HS3ST3A1: variants seen among roughly 807,000 people sequenced by gnomAD.
HS3ST3A1 encodes the protein heparan sulfate-glucosamine 3-sulfotransferase 3A1.
A neutral mutation model predicts 25.7 loss-of-function variants in HS3ST3A1; 19 were observed. The observed-to-expected ratio is 0.74, with a 90% CI of 0.52 to 1.08. The LOEUF (loss-of-function observed/expected upper bound fraction) is 1.08. Ranked by LOEUF, HS3ST3A1 falls within the 50% of genes least tolerant of loss-of-function variation. HS3ST3A1 has a pLI of 0.00. For missense variants in HS3ST3A1, 459 were observed against 594.3 expected (o/e 0.77, Z 2.37); for synonymous variants, 226 against 278.6 (o/e 0.81, Z 1.88).
At chr17:13,597,005 CA>C (rs1908595404) in intron 1 of HS3ST3A1, among the ~76,000 whole-genome samples, 2 of 152,094 alleles carry the variant, frequency 1.3e-5, no homozygotes, top group African/African-American at 4.8e-5. Context: ...GTGAGCTGGA[CA>C]ATCTTTGATC....
rs544630220 is a variant in HS3ST3A1, at chr17:13,543,576, G to A, written c.600-46758C>T. 654 of 167,988 alleles carry A rather than the reference G, an allele frequency of 3.9e-3. 4 individuals carry two copies. Among genetic ancestry groups the A allele is most frequent in the Middle Eastern group, 0.022 (22 of 996 alleles). The allele number at this position is 167,988 out of a possible 1,614,324, so 10.4% of individuals were successfully genotyped here. A position where few individuals can be genotyped will look rare whatever the true frequency, so the allele number is the denominator to read the frequency against. On this transcript the variant is annotated intron_variant, in intron 1 of 1. Transcript: ENST00000284110. ...TTAGGTTGGTGCAAAAGTAATTGCA[G>A]TTTTTGCTATTACTTTCAATGACAA...
chr17:13,601,099 A>G lies in HS3ST3A1; in HGVS notation c.31T>C (p.Ser11Pro). MAPPGPASALSTSAEPLSRSI... is the reference protein window; with the variant it reads MAPPGPASALPTSAEPLSRSI... ...CGGGACAGCGGCTCGGCCGAGGTGGAGAGGGCACTGGCCGGGCCCGGAGGG... is the reference window on the plus strand; with the variant it reads ...CGGGACAGCGGCTCGGCCGAGGTGGGGAGGGCACTGGCCGGGCCCGGAGGG... The change falls in exon 1 of 2, where the codon TCC (serine) becomes CCC (proline). Residue 11 changes from serine (S) to proline (P), a missense_variant. Coordinates refer to ENST00000284110, the MANE Select transcript of HS3ST3A1 (RefSeq NM_006042.3). 6.3e-7 allele frequency: 1 copy of G among 1,588,936 alleles called. No individual in the cohort carries two copies. The highest frequency in any genetic ancestry group is 8.6e-7 in the Non-Finnish European group (1 of 1,169,212).
At chr17:13,555,172 C>A (rs1335042980) in intron 1 of HS3ST3A1, among the ~76,000 whole-genome samples, 2 of 152,146 alleles carry the variant, frequency 1.3e-5, no homozygotes, top group Non-Finnish European at 2.9e-5. Context: ...AGATTACACC[C>A]TTATGCCTCC....
chr17:13,553,431 A>G (rs1907293464), intron 1 of HS3ST3A1, among the ~76,000 whole-genome samples: 1 of 152,218 alleles, frequency 6.6e-6, no homozygotes. Context: ...TTTAAATAAC[A>G]GCATCATTAC....
chr17:13,577,484 C>T (rs1907974681), intron 1 of HS3ST3A1, among the ~76,000 whole-genome samples: 1 of 152,192 alleles, frequency 6.6e-6, no homozygotes, highest in African/African-American at 2.4e-5. Context: ...GTACAGCTAA[C>T]TTCTCCCTCC....
chr17:13,512,727 T>C (rs1386639783), intron 1 of HS3ST3A1, among the ~76,000 whole-genome samples: 1 of 152,196 alleles, frequency 6.6e-6, no homozygotes, highest in African/African-American at 2.4e-5. Context: ...ATCTTGATTG[T>C]AGCATAATTA....
intron 1 of HS3ST3A1, among the ~76,000 whole-genome samples, chr17:13,526,775 G>A (rs1388882487): frequency 1.3e-5 from 2 of 151,820 alleles, no homozygotes; most frequent in East Asian, 3.9e-4. Flanking sequence ...AGCCTCCCGA[G>A]TAGCTGGGAT....
chr17:13,565,662 A>G (rs1907658805), intron 1 of HS3ST3A1, among the ~76,000 whole-genome samples: 1 of 152,240 alleles, frequency 6.6e-6, no homozygotes, highest in Non-Finnish European at 1.5e-5. Flanking sequence ...ACTTTTATTA[A>G]TTTTATAGTC....
intron 1 of HS3ST3A1, among the ~76,000 whole-genome samples, chr17:13,541,318 C>CT (rs777164056): frequency 3.9e-5 from 6 of 152,196 alleles, no homozygotes; most frequent in Admixed American, 2.0e-4. Context: ...AGTAATCTTA[C>CT]TTTGGACTCT....
At chr17:13,542,427 G>A (rs543795550) in intron 1 of HS3ST3A1, among the ~76,000 whole-genome samples, 2 of 152,030 alleles carry the variant, frequency 1.3e-5, no homozygotes, top group African/African-American at 4.8e-5. Context: ...GATACCAGGA[G>A]TATGTCTGCA....
intron 1 of HS3ST3A1, among the ~76,000 whole-genome samples, chr17:13,532,385 T>A (rs1216985293): frequency 6.6e-6 from 1 of 152,052 alleles, no homozygotes; most frequent in Admixed American, 6.6e-5. Flanking sequence ...AATGCTGAGT[T>A]CAAATTAGGA....
At chr17:13,536,579 C>T (rs1906777440) in intron 1 of HS3ST3A1, among the ~76,000 whole-genome samples, 1 of 152,174 alleles carries the variant, frequency 6.6e-6, no homozygotes, top group Non-Finnish European at 1.5e-5. Flanking sequence ...CCAACCTCAC[C>T]ATTAATGTTG....
intron 1 of HS3ST3A1, among the ~76,000 whole-genome samples, chr17:13,537,113 C>G (rs3785709): frequency 0.44 from 67,503 of 152,072 alleles, 16,650 homozygotes; most frequent in African/African-American, 0.67. Flanking sequence ...GCCTAGGGCA[C>G]GTCGTGAGCC....
chr17:13,552,461 A>G (rs889530758), intron 1 of HS3ST3A1, among the ~76,000 whole-genome samples: 8 of 152,128 alleles, frequency 5.3e-5, no homozygotes, highest in African/African-American at 1.9e-4. Context: ...GCAAAATACG[A>G]TTCCAGTGTT....
chr17:13,547,944 CAAAAA>C (rs750200323), intron 1 of HS3ST3A1, among the ~76,000 whole-genome samples: 1 of 53,384 alleles, frequency 1.9e-5, no homozygotes. Context: ...TGGTGTGAGC[CAAAAA>C]AAAAAAAAAA....
intron 1 of HS3ST3A1, among the ~76,000 whole-genome samples, chr17:13,580,716 A>G (rs111596212): frequency 0.029 from 4,334 of 151,946 alleles, 195 homozygotes; most frequent in African/African-American, 0.097. Flanking sequence ...ACATGGAGAA[A>G]CTCCATCTCT....
rs146969537 is a variant in HS3ST3A1, at chr17:13,571,957, G to A, written c.599+28574C>T. On this transcript the variant is annotated intron_variant, in intron 1 of 1. Transcript: ENST00000284110. ...GTATTTTTAGTACAGACGGGGTTTC[G>A]CCACACTAGCCAGTTGGTCTCGAAC... Among the ~76,000 whole-genome samples, 608 of 152,040 alleles carry A rather than the reference G, an allele frequency of 4.0e-3. 4 individuals carry two copies. Among genetic ancestry groups the A allele is most frequent in the African/African-American group, 0.014 (580 of 41,454 alleles).
At chr17:13,535,492 A>G (rs1298045007) in intron 1 of HS3ST3A1, among the ~76,000 whole-genome samples, 4 of 152,212 alleles carry the variant, frequency 2.6e-5, no homozygotes, top group Non-Finnish European at 5.9e-5. Context: ...CTCAGCTGCA[A>G]ACCTCAAGCA....
intron 1 of HS3ST3A1, among the ~76,000 whole-genome samples, chr17:13,523,944 A>G (rs1906330044): frequency 6.6e-6 from 1 of 152,150 alleles, no homozygotes; most frequent in African/African-American, 2.4e-5. Context: ...TAATATTAAA[A>G]TACATAAAAA....
Sources: gnomAD v4.1 joint callset for allele counts (sites outside exome capture counted in the v4.1 genomes callset) on GRCh38, gnomAD v4.1.1 for gene constraint, MANE v1.5 for transcripts, NCBI Gene and HGNC (gene_info 2026-07-23, HGNC 2026-07-21) for gene names.